The following KAT6B variants were observed in gnomAD, a reference collection of about 807,000 sequenced individuals.
KAT6B encodes the protein histone acetyltransferase KAT6B.
Under a neutral mutation model 187.5 loss-of-function variants are expected in KAT6B, and 10 were observed. That is an observed-to-expected ratio of 0.05 (90% CI 0.03 to 0.09). The LOEUF (loss-of-function observed/expected upper bound fraction) is 0.09. KAT6B is among the 10% of genes least tolerant of loss of function. The probability of loss-of-function intolerance (pLI) is 1.00; values close to 1 mark genes in which losing one functional copy is unlikely to be tolerated. For missense variants in KAT6B, 1,952 were observed against 2,558.9 expected (o/e 0.76, Z 5.12); for synonymous variants, 861 against 926.8 (o/e 0.93, Z 1.29).
intron 3 of KAT6B, among the ~76,000 whole-genome samples, chr10:74,913,791 A>C (rs963748231): frequency 2.0e-5 from 3 of 152,238 alleles, no homozygotes; most frequent in Non-Finnish European, 4.4e-5. Context: ...GCCATCTCCC[A>C]GGGTTTCCCC....
chr10:74,957,729 A>G (rs1429751175), intron 3 of KAT6B, among the ~76,000 whole-genome samples: 1 of 152,224 alleles, frequency 6.6e-6, no homozygotes, highest in Non-Finnish European at 1.5e-5. Flanking sequence ...GTTTTAGCTC[A>G]AATCTATCAG....
At chr10:74,866,199 A>G (rs1293189612) in intron 3 of KAT6B, among the ~76,000 whole-genome samples, 1 of 151,834 alleles carries the variant, frequency 6.6e-6, no homozygotes, top group Admixed American at 6.6e-5. Flanking sequence ...AAGGGAACTT[A>G]ATGGCATTAA....
intron 1 of KAT6B, among the ~76,000 whole-genome samples, chr10:74,830,731 CATATATATATATAT>C (rs1198969374): frequency 0.036 from 611 of 17,194 alleles, 12 homozygotes; most frequent in African/African-American, 0.054. Flanking sequence ...CACAGCTCTT[CATATATATATATAT>C]ATATATATAT....
chr10:74,874,122 C>T (rs1844217513), intron 3 of KAT6B, among the ~76,000 whole-genome samples: 1 of 152,038 alleles, frequency 6.6e-6, no homozygotes, highest in South Asian at 2.1e-4. Context: ...TTAATATTCA[C>T]ATATGTGTAT....
Position 75,030,553 on chromosome 10 carries a change from G to A in KAT6B, c.5729G>A (p.Ser1910Asn). ...GCATCAAATATTGGCATCTCTCACA[G>A]CCAAAGACTGCAAACCCAGATTGCC... is the stretch of plus-strand genomic sequence containing the variant. ...MAASNIGISH[S>N]QRLQTQIASK... Residue 1910 changes from serine to asparagine, a missense_variant, in exon 18 of 18, where the codon AGC becomes AAC. Around this residue, in one of 9 missense-constraint regions of KAT6B, gnomAD observed 358 missense variants for 436.3 expected, o/e 0.82. Transcript: ENST00000287239. The surrounding 1 kb of genome is among the most constrained non-coding windows in gnomAD (Gnocchi z 4.8). 2 of 1,608,336 alleles carry A rather than the reference G, an allele frequency of 1.2e-6. No individual in the cohort carries two copies. Among genetic ancestry groups the A allele is most frequent in the Non-Finnish European group, 1.7e-6 (2 of 1,175,514 alleles).
intron 2 of KAT6B, among the ~76,000 whole-genome samples, chr10:74,842,368 C>A (rs1279241818): frequency 2.0e-5 from 3 of 152,024 alleles, no homozygotes; most frequent in African/African-American, 7.2e-5. Flanking sequence ...GTGATTATGC[C>A]TCATAAATGA....
chr10:74,987,755 A>C (rs569729132), intron 12 of KAT6B, among the ~76,000 whole-genome samples: 1 of 152,354 alleles, frequency 6.6e-6, no homozygotes, highest in East Asian at 1.9e-4. Flanking sequence ...TTGGATCTCA[A>C]AAAACTCCGA....
In KAT6B at chr10:75,020,869, G is replaced by A; in HGVS notation, c.2861+56G>A. On this transcript the variant is annotated intron_variant, in intron 14 of 17. Coordinates refer to ENST00000287239, the MANE Select transcript of KAT6B (RefSeq NM_012330.4). ...GCTCAGGCATCCCACACCAGAAAGGGTCCCTGGAGATAGGTGCATTCATTC... is the reference window on the plus strand; with the variant it reads ...GCTCAGGCATCCCACACCAGAAAGGATCCCTGGAGATAGGTGCATTCATTC... The A allele has an allele frequency of 6.3e-6, 9 of 1,427,454 alleles. No individual in the cohort carries two copies. The South Asian group carries it at 9.3e-5, about 15-fold the overall frequency. The allele number at this position is 1,427,454 out of a possible 1,614,324, so 88.4% of individuals were successfully genotyped here.
intron 3 of KAT6B, among the ~76,000 whole-genome samples, chr10:74,891,122 C>G (rs886693793): frequency 6.6e-6 from 1 of 152,202 alleles, no homozygotes; most frequent in African/African-American, 2.4e-5. Flanking sequence ...AGCTGTGATC[C>G]TTGTTACCTT....
At chr10:74,950,664 G>A (rs1338321213) in intron 3 of KAT6B, among the ~76,000 whole-genome samples, 1 of 152,148 alleles carries the variant, frequency 6.6e-6, no homozygotes, top group Admixed American at 6.6e-5. Context: ...TATTAGGTAA[G>A]TGTCAAATAG....
At chr10:74,971,838 A>G (rs1841865362) in intron 6 of KAT6B, among the ~76,000 whole-genome samples, 1 of 152,172 alleles carries the variant, frequency 6.6e-6, no homozygotes, top group Admixed American at 6.5e-5. Flanking sequence ...AAGGATAGGA[A>G]ATAATTCCTC....
intron 3 of KAT6B, among the ~76,000 whole-genome samples, chr10:74,955,382 A>AACC (rs1840600476): frequency 7.3e-5 from 3 of 41,276 alleles, no homozygotes; most frequent in Admixed American, 2.0e-4. Flanking sequence ...ACACAATTTT[A>AACC]TCCCCCCCCC....
At chr10:74,973,090 CTTT>C (rs1841948687) in intron 7 of KAT6B, among the ~76,000 whole-genome samples, 1 of 152,234 alleles carries the variant, frequency 6.6e-6, no homozygotes, top group Non-Finnish European at 1.5e-5. Context: ...AGCATTACCA[CTTT>C]TTAAGATCTC....
At chr10:74,993,974 C>T (rs1031355129) in intron 13 of KAT6B, among the ~76,000 whole-genome samples, 2 of 152,114 alleles carry the variant, frequency 1.3e-5, no homozygotes, top group South Asian at 2.1e-4. Context: ...TACCATTTTT[C>T]GCTTTGTAAT....
chr10:74,931,868 C>T (rs1285795653), intron 3 of KAT6B, among the ~76,000 whole-genome samples: 7 of 152,260 alleles, frequency 4.6e-5, no homozygotes, highest in East Asian at 1.9e-4. Context: ...CATGCCACCA[C>T]GCCTGGCTAA....
intron 17 of KAT6B, chr10:75,026,117 GC>G (rs1845813917): frequency 7.0e-6 from 1 of 143,192 alleles, no homozygotes; most frequent in African/African-American, 2.6e-5. Flanking sequence ...CTGCACTCCA[GC>G]CTGGGTGACA....
chr10:74,885,248 AT>A (rs1309064719), intron 3 of KAT6B, among the ~76,000 whole-genome samples: 1 of 151,456 alleles, frequency 6.6e-6, no homozygotes, highest in Non-Finnish European at 1.5e-5. Flanking sequence ...AAAAAAAAAA[AT>A]TTTGTAGATA....
At chr10:74,926,204 A>C (rs1848493889) in intron 3 of KAT6B, among the ~76,000 whole-genome samples, 1 of 152,248 alleles carries the variant, frequency 6.6e-6, no homozygotes, top group African/African-American at 2.4e-5. Context: ...CTATAATCCT[A>C]GCACTTTGGG....
At chr10:75,004,287 C>A (rs752946629) in intron 13 of KAT6B, among the ~76,000 whole-genome samples, 14 of 152,152 alleles carry the variant, frequency 9.2e-5, no homozygotes, top group Non-Finnish European at 1.8e-4. Context: ...GTGCCTAGCA[C>A]ATAGAGGATA....
Sources: gnomAD v4.1 joint callset for allele counts (sites outside exome capture counted in the v4.1 genomes callset) on GRCh38, gnomAD v4.1.1 for gene constraint, gnomAD v4.1.1 regional missense constraint, Gnocchi (gnomAD v3.1) non-coding constraint, MANE v1.5 for transcripts, NCBI Gene and HGNC (gene_info 2026-07-23, HGNC 2026-07-21) for gene names.